KIT: variants seen among roughly 807,000 people sequenced by gnomAD.
The protein encoded by KIT is mast/stem cell growth factor receptor Kit.
KIT carries 16 observed loss-of-function variants against 105.7 expected under a neutral mutation model. That is an observed-to-expected ratio of 0.15 (90% CI 0.10 to 0.23). KIT has a LOEUF of 0.23. Among genes scored for constraint, KIT ranks in the 10% least tolerant of loss-of-function variants. KIT has a pLI of 1.00. For synonymous variants in KIT, 438 were observed against 441.1 expected (o/e 0.99, Z 0.09); for missense variants, 858 against 1,213.8 (o/e 0.71, Z 4.36).
rs551317106 is a variant in KIT at position 54,683,283 on chromosome 4, A to G, written c.68-12229A>G. On this transcript the variant is annotated intron_variant, in intron 1 of 20. Transcript: ENST00000288135. ...TAATGATTTAGAATCCAGAACTGCT[A>G]TGTCTCTACCAGTATATATTTTCCC... Among the ~76,000 whole-genome samples the G allele has an allele frequency of 6.6e-5, 10 of 152,352 alleles. No individual in the cohort carries two copies. The South Asian group carries it at 1.4e-3, about 22-fold the overall frequency.
intron 1 of KIT, among the ~76,000 whole-genome samples, chr4:54,693,827 C>T (rs141249575): frequency 3.3e-5 from 5 of 152,200 alleles, no homozygotes; most frequent in African/African-American, 1.2e-4. Flanking sequence ...CTTCTGCCTC[C>T]TCACTGAGGT....
In KIT at chr4:54,727,869, T is replaced by A. The variant is rs1420595508; in HGVS notation, c.1821T>A (p.Thr607=). Residue 607 remains threonine, a synonymous_variant, in exon 12 of 21, where the codon ACT becomes ACA. Coordinates refer to ENST00000288135, the MANE Select transcript of KIT (RefSeq NM_000222.3). ...AGAFGKVVEA[T]AYGLIKSDAA... is the part of the protein sequence containing the mutation. ...CTTTCGGGAAGGTTGTTGAGGCAAC[T>A]GCTTATGGCTTAATTAAGTCAGATG... 6.2e-7 allele frequency: 1 copy of A among 1,613,862 alleles called. No homozygotes were observed. The highest frequency in any genetic ancestry group is 8.5e-7 in the Non-Finnish European group (1 of 1,180,006).
At chr4:54,674,941 C>T (rs1046591802) in intron 1 of KIT, among the ~76,000 whole-genome samples, 14 of 152,180 alleles carry the variant, frequency 9.2e-5, no homozygotes, top group Non-Finnish European at 1.8e-4. Context: ...TATTAAATCA[C>T]ATTTATACTT....
chr4:54,662,834 A>G (rs1210254194), intron 1 of KIT, among the ~76,000 whole-genome samples: 1 of 152,124 alleles, frequency 6.6e-6, no homozygotes, highest in Non-Finnish European at 1.5e-5. Flanking sequence ...CGGCCTCCCA[A>G]AGTGCTAGGA....
chr4:54,701,587 A>G (rs760101426), intron 4 of KIT, among the ~76,000 whole-genome samples: 31 of 152,306 alleles, frequency 2.0e-4, no homozygotes, highest in Non-Finnish European at 4.1e-4. Flanking sequence ...AATCTTTGAC[A>G]GTATCCTAAC....
At chr4:54,685,357 G>C (rs1719237641) in intron 1 of KIT, among the ~76,000 whole-genome samples, 1 of 152,050 alleles carries the variant, frequency 6.6e-6, no homozygotes, top group Non-Finnish European at 1.5e-5. Flanking sequence ...CCAATCTATT[G>C]GCACCCCATC....
chr4:54,710,445 C>T (rs1029136960), intron 7 of KIT, among the ~76,000 whole-genome samples: 1 of 152,110 alleles, frequency 6.6e-6, no homozygotes, highest in African/African-American at 2.4e-5. Flanking sequence ...TTATGCTGGG[C>T]ACTTTATGTG....
Position 54,720,555 on chromosome 4 carries a change from G to A in KIT, c.1232-3029G>A, listed in dbSNP as rs114868361. On this transcript the variant is annotated intron_variant, in intron 7 of 20. Coordinates refer to ENST00000288135, the MANE Select transcript of KIT (RefSeq NM_000222.3). ...ACAATGTTTTATAGGTTCACTTTCA[G>A]CTACCCATTCATTGCAAAATAAAAT... 8.9e-3 allele frequency among the ~76,000 whole-genome samples: 1,353 copies of A among 152,278 alleles called. 19 individuals are homozygous for A. Among genetic ancestry groups the A allele is most frequent in the African/African-American group, 0.031 (1,301 of 41,534 alleles).
At chr4:54,697,227 G>A (rs1204035725) in intron 2 of KIT, among the ~76,000 whole-genome samples, 2 of 152,178 alleles carry the variant, frequency 1.3e-5, no homozygotes, top group Middle Eastern at 3.2e-3. Context: ...TTTATTTGCA[G>A]AATAAATTAG....
At chr4:54,688,665 C>G (rs190733244) in intron 1 of KIT, among the ~76,000 whole-genome samples, 1 of 152,344 alleles carries the variant, frequency 6.6e-6, no homozygotes, top group Admixed American at 6.5e-5. Context: ...CAGGTCACTC[C>G]TGCTTCCACA....
In KIT at chr4:54,739,831, G is replaced by GT. The variant is rs1349730349; in HGVS notation, c.*1275dup. Reference sequence around the variant, plus strand: ...TAGCTTACCAGAAGCTTCCATAGTGGTGCAGAGGAAGTGGAAGGCATCAGT... The same window carrying GT: ...TAGCTTACCAGAAGCTTCCATAGTGGTTGCAGAGGAAGTGGAAGGCATCAGT... On this transcript the variant is annotated 3_prime_UTR_variant, in exon 21 of 21. Coordinates refer to ENST00000288135, the MANE Select transcript of KIT (RefSeq NM_000222.3). 2 of 233,364 alleles carry GT rather than the reference G, an allele frequency of 8.6e-6. No homozygotes were observed. Among genetic ancestry groups the GT allele is most frequent in the Non-Finnish European group, 1.7e-5 (2 of 117,968 alleles). The allele number at this position is 233,364 out of a possible 1,614,324, so 14.5% of individuals were successfully genotyped here. A position where few individuals can be genotyped will look rare whatever the true frequency, so the allele number is the denominator to read the frequency against.
intron 9 of KIT, among the ~76,000 whole-genome samples, chr4:54,726,269 T>C (rs1252793351): frequency 1.3e-5 from 2 of 152,236 alleles, no homozygotes; most frequent in East Asian, 3.8e-4. Context: ...ATATTTTATA[T>C]GTATGTGTGT....
At position 54,728,016 on chromosome 4, in the gene KIT, G is replaced by T. The variant is rs2109781192; in HGVS notation, c.1885G>T (p.Ala629Ser). 1 of 1,613,852 alleles carries T rather than the reference G, an allele frequency of 6.2e-7. No homozygotes were observed. Among genetic ancestry groups the T allele is most frequent in the Non-Finnish European group, 8.5e-7 (1 of 1,179,770 alleles). ...ATGCATGTTTCCAATTTTAGCGAGTGCCCATTTGACAGAACGGGAAGCCCT... is the reference window on the plus strand; with the variant it reads ...ATGCATGTTTCCAATTTTAGCGAGTTCCCATTTGACAGAACGGGAAGCCCT... ...TVAVKMLKPS[A>S]HLTEREALMS... The change falls in exon 13 of 21, where the codon GCC (alanine) becomes TCC (serine). Residue 629 changes from alanine to serine, a missense_variant. Coordinates refer to ENST00000288135, the MANE Select transcript of KIT (RefSeq NM_000222.3).
intron 1 of KIT, among the ~76,000 whole-genome samples, chr4:54,659,539 G>C (rs1467058297): frequency 6.6e-6 from 1 of 152,172 alleles, no homozygotes; most frequent in Non-Finnish European, 1.5e-5. Context: ...GTCTCCAGGC[G>C]CAGTCTGCAG....
rs965905596 is a variant in KIT at position 54,662,866 on chromosome 4, C to T, written c.67+4785C>T. ...AGGATTACAGGCATGAGCCACCATG[C>T]CTGGCCGACAGTTTTAAAAATAAGC... On this transcript the variant is annotated intron_variant, in intron 1 of 20. Transcript: ENST00000288135. Among the ~76,000 whole-genome samples, 8 of 152,132 alleles carry T rather than the reference C, an allele frequency of 5.3e-5. No individual in the cohort carries two copies. In the East Asian group the frequency reaches 1.4e-3, roughly 26 times the overall value.
chr4:54,717,098 AT>A lies in KIT; in HGVS notation c.1232-6485del, dbSNP rs1385206012. Among the ~76,000 whole-genome samples the A allele has an allele frequency of 4.6e-5, 7 of 152,238 alleles. No individual in the cohort carries two copies. The East Asian group carries it at 1.4e-3, about 29-fold the overall frequency. ...TTCTCAAATTGCTTGGGAATTATGA[AT>A]GTTGTTTTTGATGTGACACTCTAAT... On this transcript the variant is annotated intron_variant, in intron 7 of 20. Transcript: ENST00000288135.
intron 16 of KIT, 67 bp downstream of exon 16, chr4:54,732,065 TTTTTTG>T (rs1722643605): frequency 1.3e-6 from 2 of 1,501,158 alleles, no homozygotes; most frequent in African/African-American, 2.9e-5. Flanking sequence ...TTTTTTTTTT[TTTTTTG>T]AGAACAGAGC....
chr4:54,705,740 G>A (rs1038912822), intron 5 of KIT, among the ~76,000 whole-genome samples: 22 of 151,970 alleles, frequency 1.4e-4, no homozygotes, highest in East Asian at 3.9e-4. Flanking sequence ...AAAATGAGCC[G>A]GGCATGGTGC....
intron 1 of KIT, among the ~76,000 whole-genome samples, chr4:54,683,177 A>G (rs1719070130): frequency 6.6e-6 from 1 of 152,154 alleles, no homozygotes; most frequent in African/African-American, 2.4e-5. Flanking sequence ...TTAATTACAG[A>G]TCTTAGAATT....
Sources: gnomAD v4.1 joint callset for allele counts (sites outside exome capture counted in the v4.1 genomes callset) on GRCh38, gnomAD v4.1.1 for gene constraint, MANE v1.5 for transcripts, NCBI Gene and HGNC (gene_info 2026-07-23, HGNC 2026-07-21) for gene names.